MAGI3: variants seen among roughly 807,000 people sequenced by gnomAD.
The protein encoded by MAGI3 is membrane-associated guanylate kinase, WW and PDZ domain-containing protein 3.
MAGI3 carries 43 observed loss-of-function variants against 121.8 expected under a neutral mutation model. The ratio of observed to expected loss-of-function variants is 0.35; its 90% CI spans 0.28 to 0.46. The LOEUF (loss-of-function observed/expected upper bound fraction) is 0.46, where lower values mean the gene tolerates loss of function less well. Ranked by LOEUF, MAGI3 falls within the 20% of genes least tolerant of loss-of-function variation. The pLI is 1.00. For synonymous variants in MAGI3, 553 were observed against 639.3 expected (o/e 0.86, Z 2.04); for missense variants, 1,547 against 1,797.3 (o/e 0.86, Z 2.52).
At chr1:113,516,390 CAAAA>C (rs60186333) in intron 1 of MAGI3, among the ~76,000 whole-genome samples, 1 of 70,996 alleles carries the variant, frequency 1.4e-5, no homozygotes, top group Non-Finnish European at 2.5e-5. Context: ...GAAGTTCTCA[CAAAA>C]AAAAAAAAAA....
intron 2 of MAGI3, among the ~76,000 whole-genome samples, chr1:113,555,510 A>G (rs1659951037): frequency 6.6e-6 from 1 of 152,348 alleles, no homozygotes; most frequent in Non-Finnish European, 1.5e-5. Flanking sequence ...CAGCAGCAGA[A>G]TACACATGCT....
At chr1:113,584,493 A>G (rs1039496233) in intron 3 of MAGI3, among the ~76,000 whole-genome samples, 2 of 152,128 alleles carry the variant, frequency 1.3e-5, no homozygotes, top group Non-Finnish European at 2.9e-5. Context: ...TGTTCAATAA[A>G]TTGTCAGATA....
chr1:113,639,186 C>T lies in MAGI3; in HGVS notation c.1361-2725C>T, dbSNP rs184022234. On this transcript the variant is annotated intron_variant, in intron 9 of 20. Coordinates refer to ENST00000307546, the MANE Select transcript of MAGI3 (RefSeq NM_001142782.2). ...GAACTCCCTGACCCCTTGCACTTCC[C>T]GAGTGAGGCAATGCCTCGCCCTGCT... is the stretch of plus-strand genomic sequence containing the variant. 3.5e-4 allele frequency among the ~76,000 whole-genome samples: 53 copies of T among 152,326 alleles called. No homozygotes were observed. The East Asian group carries it at 7.1e-3, about 21-fold the overall frequency.
At chr1:113,637,168 C>G (rs938980732) in intron 9 of MAGI3, among the ~76,000 whole-genome samples, 18 of 152,148 alleles carry the variant, frequency 1.2e-4, no homozygotes, top group Non-Finnish European at 1.5e-4. Flanking sequence ...ACTGATGGGT[C>G]TTGACTCTTT....
chr1:113,616,623 C>A (rs2101779259), intron 7 of MAGI3, among the ~76,000 whole-genome samples: 1 of 152,074 alleles, frequency 6.6e-6, no homozygotes, highest in African/African-American at 2.4e-5. Flanking sequence ...AAAATTTTTC[C>A]AAAAATGTAA....
At chr1:113,648,233 A>G (rs1557873365) in intron 12 of MAGI3, among the ~76,000 whole-genome samples, 1 of 152,176 alleles carries the variant, frequency 6.6e-6, no homozygotes, top group South Asian at 2.1e-4. Flanking sequence ...GGAAGTATAT[A>G]TCAAAAGATA....
intron 16 of MAGI3, among the ~76,000 whole-genome samples, chr1:113,669,428 G>A (rs1191340254): frequency 2.0e-5 from 3 of 152,340 alleles, no homozygotes; most frequent in Non-Finnish European, 4.4e-5. Flanking sequence ...TGCCAGGTAG[G>A]ATTTCACAGA....
At chr1:113,589,806 A>G (rs553788755) in intron 4 of MAGI3, among the ~76,000 whole-genome samples, 8 of 152,126 alleles carry the variant, frequency 5.3e-5, no homozygotes, top group Non-Finnish European at 7.4e-5. Flanking sequence ...ACAGTACCCA[A>G]ATTTTAGTAT....
At chr1:113,534,964 G>A (rs980995942) in intron 1 of MAGI3, among the ~76,000 whole-genome samples, 1 of 152,094 alleles carries the variant, frequency 6.6e-6, no homozygotes, top group Non-Finnish European at 1.5e-5. Flanking sequence ...ACTGGGTCAG[G>A]GTAGAGGAAC....
intron 1 of MAGI3, among the ~76,000 whole-genome samples, chr1:113,436,040 A>T (rs985846639): frequency 2.1e-5 from 3 of 145,644 alleles, no homozygotes; most frequent in African/African-American, 7.3e-5. Flanking sequence ...ACATGAATAC[A>T]AACATGTGCA....
chr1:113,627,828 A>G (rs1270042655), intron 9 of MAGI3, among the ~76,000 whole-genome samples: 1 of 151,918 alleles, frequency 6.6e-6, no homozygotes, highest in African/African-American at 2.4e-5. Flanking sequence ...TCTGATATAA[A>G]TGTAGCTACT....
chr1:113,592,962 A>C (rs1460587747), intron 5 of MAGI3, among the ~76,000 whole-genome samples: 2 of 152,184 alleles, frequency 1.3e-5, no homozygotes, highest in East Asian at 3.9e-4. Context: ...CAGTGAGCCG[A>C]GATCGGGCCA....
chr1:113,449,656 A>G, intron 1 of MAGI3: 1 of 741,748 alleles, frequency 1.3e-6, no homozygotes, highest in Non-Finnish European at 2.4e-6. Flanking sequence ...TTTTCAGTAT[A>G]TCGATATTGA....
At chr1:113,395,547 A>G (rs1651065215) in intron 1 of MAGI3, among the ~76,000 whole-genome samples, 1 of 151,886 alleles carries the variant, frequency 6.6e-6, no homozygotes, top group Non-Finnish European at 1.5e-5. Flanking sequence ...TATATCATTA[A>G]CATCTTTGTA....
At chr1:113,453,639 G>A (rs1357711957) in intron 1 of MAGI3, among the ~76,000 whole-genome samples, 4 of 152,204 alleles carry the variant, frequency 2.6e-5, no homozygotes, top group African/African-American at 9.7e-5. Context: ...GCAGCTGCAT[G>A]TTTTAAACAG....
intron 1 of MAGI3, among the ~76,000 whole-genome samples, chr1:113,523,058 A>G (rs1458143076): frequency 2.0e-5 from 3 of 152,298 alleles, no homozygotes; most frequent in African/African-American, 7.2e-5. Flanking sequence ...ATGATAGTGA[A>G]TAAGTCTCAC....
intron 1 of MAGI3, among the ~76,000 whole-genome samples, chr1:113,479,952 G>T (rs999133449): frequency 6.6e-6 from 1 of 151,226 alleles, no homozygotes; most frequent in African/African-American, 2.4e-5. Flanking sequence ...CTTTTTTGTG[G>T]TTTCTATTTC....
intron 15 of MAGI3, among the ~76,000 whole-genome samples, chr1:113,657,755 A>G (rs1653559616): frequency 6.6e-6 from 1 of 152,220 alleles, no homozygotes; most frequent in Non-Finnish European, 1.5e-5. Context: ...CCCTTTCTGC[A>G]CTGGCATTTC....
intron 9 of MAGI3, among the ~76,000 whole-genome samples, chr1:113,631,252 A>G (rs1454038078): frequency 3.9e-5 from 6 of 152,076 alleles, no homozygotes; most frequent in African/African-American, 1.4e-4. Context: ...TGTCTCTTTC[A>G]GTGATATGAA....
Sources: gnomAD v4.1 joint callset for allele counts (sites outside exome capture counted in the v4.1 genomes callset) on GRCh38, gnomAD v4.1.1 for gene constraint, MANE v1.5 for transcripts, NCBI Gene and HGNC (gene_info 2026-07-23, HGNC 2026-07-21) for gene names.